TBC1D5: variants seen among roughly 807,000 people sequenced by gnomAD.
TBC1D5 encodes the protein TBC1 domain family member 5.
TBC1D5 carries 75 observed loss-of-function variants against 100.3 expected under a neutral mutation model. The ratio of observed to expected loss-of-function variants is 0.75; its 90% CI spans 0.62 to 0.91. The LOEUF (loss-of-function observed/expected upper bound fraction) is 0.91. TBC1D5 is among the 40% of genes least tolerant of loss of function. TBC1D5 has a pLI of 0.00. For synonymous variants in TBC1D5, 323 were observed against 325.6 expected, an observed-to-expected ratio of 0.99 and a Z score of 0.09; for missense variants, 910 against 942.4, an observed-to-expected ratio of 0.97 and a Z score of 0.45.
chr3:17,704,626 C>T lies in TBC1D5; in HGVS notation c.-101+34717G>A, dbSNP rs1459924497. 6.6e-5 allele frequency among the ~76,000 whole-genome samples: 5 copies of T among 76,148 alleles called. 1 individual carries two copies. Among genetic ancestry groups the T allele is most frequent in the African/African-American group, 2.2e-4 (5 of 22,328 alleles). 50.0% of individuals were successfully genotyped at this position (76,148 alleles called of 152,430 possible). On this transcript the variant is annotated intron_variant, in intron 1 of 21. Coordinates refer to ENST00000253692, the Ensembl canonical transcript of TBC1D5. Reference sequence around the variant, plus strand: ...CCGACACCCCCACCAACCTCCCGGACGGGGCTGCTGGCCAGGCGGGGGGCC... The same window carrying T: ...CCGACACCCCCACCAACCTCCCGGATGGGGCTGCTGGCCAGGCGGGGGGCC...
chr3:17,374,655 G>A, exon 11 of TBC1D5: 1 of 1,610,728 alleles, frequency 6.2e-7, no homozygotes, highest in African/African-American at 1.3e-5. Context: ...GATACTCAGG[G>A]TTCAAGACAG....
chr3:17,662,485 A>G (rs2066760007), intron 1 of TBC1D5, among the ~76,000 whole-genome samples: 1 of 152,220 alleles, frequency 6.6e-6, no homozygotes, highest in Non-Finnish European at 1.5e-5. Context: ...TTTTACAGCA[A>G]TTTGACAGAG....
At chr3:17,482,113 C>CT (rs1435265616) in intron 3 of TBC1D5, among the ~76,000 whole-genome samples, 1 of 152,120 alleles carries the variant, frequency 6.6e-6, no homozygotes, top group African/African-American at 2.4e-5. Context: ...ACACAATTGT[C>CT]TGAGCATTGA....
intron 1 of TBC1D5, among the ~76,000 whole-genome samples, chr3:17,685,634 G>C (rs540408875): frequency 2.5e-4 from 38 of 151,982 alleles, no homozygotes; most frequent in African/African-American, 8.2e-4. Context: ...CAATACATAT[G>C]AACACATTTT....
At chr3:17,517,013 A>G (rs890218003) in intron 2 of TBC1D5, among the ~76,000 whole-genome samples, 3 of 152,180 alleles carry the variant, frequency 2.0e-5, no homozygotes, top group Non-Finnish European at 1.5e-5. Flanking sequence ...CCCAAATTCA[A>G]CCAGCACAGA....
chr3:17,482,629 T>G (rs2095514092), intron 3 of TBC1D5, among the ~76,000 whole-genome samples: 1 of 152,190 alleles, frequency 6.6e-6, no homozygotes, highest in African/African-American at 2.4e-5. Context: ...AAATAAAAAC[T>G]AAGTTGGTCT....
chr3:17,195,869 T>G (rs140022633), intron 18 of TBC1D5, among the ~76,000 whole-genome samples: 118 of 152,338 alleles, frequency 7.7e-4, no homozygotes, highest in African/African-American at 2.6e-3. Flanking sequence ...CCTATCATAC[T>G]TTTGTTAGTT....
At chr3:17,600,590 G>A (rs185144513) in intron 2 of TBC1D5, among the ~76,000 whole-genome samples, 14 of 152,198 alleles carry the variant, frequency 9.2e-5, no homozygotes, top group Admixed American at 8.5e-4. Flanking sequence ...TGTTCGATGA[G>A]GTTAAACTAT....
intron 4 of TBC1D5, among the ~76,000 whole-genome samples, chr3:17,408,387 T>C (rs1395004871): frequency 1.3e-5 from 2 of 152,000 alleles, no homozygotes; most frequent in Non-Finnish European, 2.9e-5. Context: ...CAGCTCACTT[T>C]AGCCTTGAAC....
Position 17,406,541 on chromosome 3 carries a change from C to T in TBC1D5, c.168-15G>A, listed in dbSNP as rs775888424. The T allele has an allele frequency of 6.3e-7, 1 of 1,593,088 alleles. No individual in the cohort carries two copies. The highest frequency in any genetic ancestry group is 8.6e-7 in the Non-Finnish European group (1 of 1,165,982). On this transcript the variant is annotated splice_polypyrimidine_tract_variant and intron_variant, in intron 4 of 21. Coordinates refer to ENST00000253692, the Ensembl canonical transcript of TBC1D5. The stretch of plus-strand genomic sequence containing the variant: ...CCCATTCTTTCCTATATGAAAGAAA[C>T]CAAAGCATGAGAATCCTTTTGTTAA...
At chr3:17,734,097 C>T (rs907832386) in intron 1 of TBC1D5, among the ~76,000 whole-genome samples, 2 of 152,070 alleles carry the variant, frequency 1.3e-5, no homozygotes, top group East Asian at 1.9e-4. Context: ...TGCATAGGCA[C>T]GAAGGGATAT....
chr3:17,453,080 A>T (rs1181149347), intron 3 of TBC1D5, among the ~76,000 whole-genome samples: 1 of 100,512 alleles, frequency 9.9e-6, no homozygotes, highest in Admixed American at 8.8e-5. Context: ...ATGAAGAAAT[A>T]AAAAAAAAAA....
At chr3:17,163,591 T>C (rs1056580640) in intron 21 of TBC1D5, among the ~76,000 whole-genome samples, 4 of 152,142 alleles carry the variant, frequency 2.6e-5, no homozygotes, top group African/African-American at 9.7e-5. Context: ...ACAACACATA[T>C]CCCTCTTACC....
intron 1 of TBC1D5, among the ~76,000 whole-genome samples, chr3:17,673,767 T>G (rs1185461036): frequency 1.3e-5 from 2 of 152,212 alleles, no homozygotes; most frequent in Admixed American, 6.5e-5. Flanking sequence ...CTAAAAACTT[T>G]TAATTTAAAT....
rs149846737 is a variant in TBC1D5, at chr3:17,266,955, T to C, written c.1246-8364A>G. Among the ~76,000 whole-genome samples, 414 of 152,044 alleles carry C rather than the reference T, an allele frequency of 2.7e-3. 2 individuals are homozygous for C. Among genetic ancestry groups the C allele is most frequent in the African/African-American group, 9.2e-3 (382 of 41,502 alleles). On this transcript the variant is annotated intron_variant, in intron 15 of 21. Coordinates refer to ENST00000253692, the Ensembl canonical transcript of TBC1D5. ...AAAAGGAAGCAAAAACACCGTTAATTGGGTAAAGACACAGACAAAACCTCT... is the reference window on the plus strand; with the variant it reads ...AAAAGGAAGCAAAAACACCGTTAATCGGGTAAAGACACAGACAAAACCTCT...
At chr3:17,346,733 T>C (rs1349454298) in intron 13 of TBC1D5, among the ~76,000 whole-genome samples, 1 of 152,206 alleles carries the variant, frequency 6.6e-6, no homozygotes, top group Non-Finnish European at 1.5e-5. Flanking sequence ...TCTTACATTA[T>C]ATGGAATTAA....
At chr3:17,718,071 G>T (rs560085920) in intron 1 of TBC1D5, among the ~76,000 whole-genome samples, 1 of 152,180 alleles carries the variant, frequency 6.6e-6, no homozygotes, top group Admixed American at 6.5e-5. Flanking sequence ...AAAAGCGAAG[G>T]TGCCCTCCAA....
At chr3:17,574,236 G>A (rs570889773) in intron 2 of TBC1D5, among the ~76,000 whole-genome samples, 1 of 151,962 alleles carries the variant, frequency 6.6e-6, no homozygotes, top group Non-Finnish European at 1.5e-5. Flanking sequence ...ATCTCTGTGT[G>A]GTATTTAAAG....
intron 14 of TBC1D5, among the ~76,000 whole-genome samples, chr3:17,293,031 A>G (rs2081919097): frequency 6.6e-6 from 1 of 152,184 alleles, no homozygotes; most frequent in Admixed American, 6.5e-5. Flanking sequence ...TATAAGCACT[A>G]TGGGGAAAGG....
Sources: allele counts gnomAD v4.1 joint callset (sites outside exome capture counted in the v4.1 genomes callset), GRCh38; gene constraint gnomAD v4.1.1; transcripts MANE v1.5; gene names NCBI Gene and HGNC (gene_info 2026-07-23, HGNC 2026-07-21).